The following ST6GALNAC3 variants were observed in gnomAD, a reference collection of about 807,000 sequenced individuals.
The protein encoded by ST6GALNAC3 is alpha-N-acetylgalactosaminide alpha-2,6-sialyltransferase 3.
ST6GALNAC3 carries 25 observed loss-of-function variants against 32.7 expected under a neutral mutation model. The ratio of observed to expected loss-of-function variants is 0.76; its 90% CI spans 0.56 to 1.07. ST6GALNAC3 has a LOEUF of 1.07. Among genes scored for constraint, ST6GALNAC3 ranks in the 50% least tolerant of loss-of-function variants. The pLI is 0.00. For missense variants in ST6GALNAC3, 355 were observed against 382.4 expected, an observed-to-expected ratio of 0.93 and a Z score of 0.60; for synonymous variants, 129 against 133.1, an observed-to-expected ratio of 0.97 and a Z score of 0.21.
intron 3 of ST6GALNAC3, among the ~76,000 whole-genome samples, chr1:76,557,889 A>G (rs1665020371): frequency 6.6e-6 from 1 of 152,194 alleles, no homozygotes; most frequent in Non-Finnish European, 1.5e-5. Flanking sequence ...AGAACAAAAG[A>G]AAATGAATCA....
At chr1:76,520,558 T>C (rs1450398370) in intron 3 of ST6GALNAC3, among the ~76,000 whole-genome samples, 3 of 152,128 alleles carry the variant, frequency 2.0e-5, no homozygotes, top group Admixed American at 2.0e-4. Context: ...CCTTCACTAC[T>C]ACTTCTGATC....
intron 1 of ST6GALNAC3, among the ~76,000 whole-genome samples, chr1:76,260,011 T>C (rs1658136076): frequency 6.6e-6 from 1 of 152,088 alleles, no homozygotes; most frequent in Admixed American, 6.6e-5. Context: ...TCTTTTTCTT[T>C]TTCTGACTGA....
intron 2 of ST6GALNAC3, among the ~76,000 whole-genome samples, chr1:76,408,866 G>C (rs1306139401): frequency 6.6e-6 from 1 of 151,946 alleles, no homozygotes; most frequent in South Asian, 2.1e-4. Flanking sequence ...GTAACCCCCC[G>C]CACCATATGC....
At chr1:76,471,118 C>G (rs1294764308) in intron 3 of ST6GALNAC3, among the ~76,000 whole-genome samples, 2 of 152,098 alleles carry the variant, frequency 1.3e-5, no homozygotes, top group East Asian at 3.9e-4. Flanking sequence ...CCTTGGTTAA[C>G]TTTCTTCAAT....
At chr1:76,354,975 T>G (rs1399193158) in intron 2 of ST6GALNAC3, among the ~76,000 whole-genome samples, 6 of 152,226 alleles carry the variant, frequency 3.9e-5, no homozygotes, top group African/African-American at 1.2e-4. Flanking sequence ...TATTTTTGGA[T>G]GCAGAGGTTG....
chr1:76,439,209 G>A lies in ST6GALNAC3; in HGVS notation c.623+26792G>A, dbSNP rs961032397. Reference sequence around the variant, plus strand: ...CCAGGATAAGTGATCTCCAAGGGAGGGCATGAAATGGCACATATCACTGGT... The same window carrying A: ...CCAGGATAAGTGATCTCCAAGGGAGAGCATGAAATGGCACATATCACTGGT... On this transcript the variant is annotated intron_variant, in intron 3 of 4. Transcript: ENST00000328299. Among the ~76,000 whole-genome samples the A allele has an allele frequency of 2.0e-5, 3 of 152,090 alleles. No homozygotes were observed. The South Asian group carries it at 6.2e-4, about 32-fold the overall frequency.
intron 1 of ST6GALNAC3, among the ~76,000 whole-genome samples, chr1:76,212,017 G>T (rs1193713855): frequency 6.6e-6 from 1 of 152,088 alleles, no homozygotes; most frequent in Non-Finnish European, 1.5e-5. Flanking sequence ...TATGAATTTT[G>T]GGGGGCATAA....
intron 3 of ST6GALNAC3, among the ~76,000 whole-genome samples, chr1:76,477,382 C>T (rs1406994327): frequency 6.6e-6 from 1 of 152,162 alleles, no homozygotes; most frequent in Non-Finnish European, 1.5e-5. Context: ...GGTCCTGGCC[C>T]CAGGCCCTAA....
chr1:76,557,026 A>G (rs187748065), intron 3 of ST6GALNAC3, among the ~76,000 whole-genome samples: 4 of 151,842 alleles, frequency 2.6e-5, no homozygotes, highest in Admixed American at 2.0e-4. Flanking sequence ...TCTATTATCT[A>G]TTTTGAGTTT....
chr1:76,261,266 A>T (rs1658218262), intron 1 of ST6GALNAC3, among the ~76,000 whole-genome samples: 1 of 152,190 alleles, frequency 6.6e-6, no homozygotes. Context: ...ATATTCAATT[A>T]GCCTTTTGTT....
At chr1:76,532,607 A>G (rs1403653664) in intron 3 of ST6GALNAC3, among the ~76,000 whole-genome samples, 2 of 152,308 alleles carry the variant, frequency 1.3e-5, no homozygotes, top group East Asian at 3.9e-4. Context: ...AGAGAGAATT[A>G]AGAAAGAACC....
chr1:76,430,340 G>A (rs932860344), intron 3 of ST6GALNAC3, among the ~76,000 whole-genome samples: 3 of 151,936 alleles, frequency 2.0e-5, no homozygotes, highest in African/African-American at 4.8e-5. Flanking sequence ...ATTGCCTTTA[G>A]TTTCTTTTAT....
chr1:76,566,272 A>C (rs953251591), intron 3 of ST6GALNAC3, among the ~76,000 whole-genome samples: 1 of 152,180 alleles, frequency 6.6e-6, no homozygotes, highest in Non-Finnish European at 1.5e-5. Flanking sequence ...TTTATATTAA[A>C]AGATCCCAAT....
At chr1:76,198,200 C>A (rs1654318550) in intron 1 of ST6GALNAC3, among the ~76,000 whole-genome samples, 1 of 151,966 alleles carries the variant, frequency 6.6e-6, no homozygotes, top group Non-Finnish European at 1.5e-5. Context: ...CCACACCCAG[C>A]TAATTAAAAA....
At chr1:76,300,219 A>G (rs1379467632) in intron 1 of ST6GALNAC3, among the ~76,000 whole-genome samples, 1 of 152,048 alleles carries the variant, frequency 6.6e-6, no homozygotes, top group African/African-American at 2.4e-5. Context: ...CTATCTGCCC[A>G]ATTGAAAGAT....
intron 1 of ST6GALNAC3, among the ~76,000 whole-genome samples, chr1:76,266,397 C>T (rs1658528958): frequency 3.9e-5 from 6 of 152,136 alleles, no homozygotes; most frequent in Admixed American, 3.9e-4. Flanking sequence ...TGTTGGGTCT[C>T]AAAGGGAGTT....
chr1:76,485,251 A>T (rs1264453666), intron 3 of ST6GALNAC3, among the ~76,000 whole-genome samples: 4 of 152,162 alleles, frequency 2.6e-5, no homozygotes, highest in Non-Finnish European at 5.9e-5. Context: ...TGAGTTAGGG[A>T]GGTTTCCCTC....
chr1:76,252,680 C>T (rs1657690702), intron 1 of ST6GALNAC3, among the ~76,000 whole-genome samples: 1 of 151,942 alleles, frequency 6.6e-6, no homozygotes, highest in African/African-American at 2.4e-5. Context: ...AGAATTTGTC[C>T]TTGGGGGTAT....
intron 1 of ST6GALNAC3, among the ~76,000 whole-genome samples, chr1:76,237,424 ATTC>A (rs1425147650): frequency 1.3e-5 from 2 of 152,180 alleles, no homozygotes; most frequent in East Asian, 3.9e-4. Flanking sequence ...CTGGTGTGGA[ATTC>A]TTTAATGCAG....
Sources: allele counts gnomAD v4.1 joint callset (sites outside exome capture counted in the v4.1 genomes callset), GRCh38; gene constraint gnomAD v4.1.1; transcripts MANE v1.5; gene names NCBI Gene and HGNC (gene_info 2026-07-23, HGNC 2026-07-21).